Variants in KCNMB2 observed in about 807,000 individuals in gnomAD.
KCNMB2 encodes calcium-activated potassium channel subunit beta-2.
A neutral mutation model predicts 24.5 loss-of-function variants in KCNMB2; 9 were observed. The ratio of observed to expected loss-of-function variants is 0.37; its 90% CI spans 0.22 to 0.64. The LOEUF is 0.64. Among genes scored for constraint, KCNMB2 ranks in the 30% least tolerant of loss-of-function variants. The probability of loss-of-function intolerance (pLI) is 0.63; values close to 1 mark genes in which losing one functional copy is unlikely to be tolerated. For synonymous variants in KCNMB2, 109 were observed against 104.4 expected (o/e 1.04, Z -0.27); for missense variants, 226 against 284.3 (o/e 0.79, Z 1.47).
At chr3:178,575,100 G>A (rs2108482183) in intron 1 of KCNMB2, among the ~76,000 whole-genome samples, 1 of 152,248 alleles carries the variant, frequency 6.6e-6, no homozygotes, top group East Asian at 1.9e-4. Context: ...CTGTATCTTT[G>A]TGATGCTTCC....
intron 1 of KCNMB2, among the ~76,000 whole-genome samples, chr3:178,725,210 T>C (rs1349875711): frequency 1.3e-5 from 2 of 152,102 alleles, no homozygotes; most frequent in African/African-American, 4.8e-5. Flanking sequence ...TTTATAGTTC[T>C]CCTCATAGAA....
At chr3:178,641,844 T>C (rs1054982501) in intron 1 of KCNMB2, among the ~76,000 whole-genome samples, 1 of 152,184 alleles carries the variant, frequency 6.6e-6, no homozygotes, top group Non-Finnish European at 1.5e-5. Flanking sequence ...TCCTAGTTTG[T>C]TGAGAGTTTT....
chr3:178,568,770 AGAT>A (rs879384327), intron 1 of KCNMB2, among the ~76,000 whole-genome samples: 2,638 of 126,048 alleles, frequency 0.021, 50 homozygotes, highest in South Asian at 0.036. Flanking sequence ...ATAGATAGAT[AGAT>A]GATAGATAGA....
intron 1 of KCNMB2, among the ~76,000 whole-genome samples, chr3:178,551,312 T>C (rs936972374): frequency 2.6e-5 from 4 of 152,232 alleles, no homozygotes; most frequent in African/African-American, 9.6e-5. Flanking sequence ...CTCACAACTC[T>C]GTGTGGTGAG....
rs1260042964 is a variant in KCNMB2 at position 178,842,814 on chromosome 3, G to A, written c.585G>A (p.Val195=). 32 of 1,613,894 alleles carry A rather than the reference G, an allele frequency of 2.0e-5. No individual in the cohort carries two copies. Among genetic ancestry groups the A allele is most frequent in the Non-Finnish European group, 2.5e-5 (30 of 1,179,938 alleles). Residue 195 remains valine (V), a synonymous_variant, in exon 5 of 5, where the codon GTG becomes GTA. Transcript: ENST00000452583. ...TAACAAAACTCTACAGTTCCAACGT[G>A]CTGTTCCATTCACTCTTCTGGCCAA... is the stretch of plus-strand genomic sequence containing the variant. ...VILTKLYSSN[V]LFHSLFWPTC...
At chr3:178,643,889 C>G (rs1719815038) in intron 1 of KCNMB2, among the ~76,000 whole-genome samples, 3 of 152,228 alleles carry the variant, frequency 2.0e-5, no homozygotes, top group African/African-American at 7.2e-5. Context: ...CATCATCCCT[C>G]AAGAGCTTAG....
intron 1 of KCNMB2, among the ~76,000 whole-genome samples, chr3:178,620,090 A>T (rs1457257146): frequency 2.6e-5 from 4 of 152,220 alleles, no homozygotes; most frequent in African/African-American, 9.6e-5. Context: ...TGGAAAAAGA[A>T]ACTGAGGCTC....
At chr3:178,829,039 T>A (rs1039978863) in intron 4 of KCNMB2, among the ~76,000 whole-genome samples, 1 of 151,932 alleles carries the variant, frequency 6.6e-6, no homozygotes, top group Non-Finnish European at 1.5e-5. Flanking sequence ...CAAGTCCACA[T>A]GGTAGATATT....
In KCNMB2 at chr3:178,833,875, A is replaced by G. The variant is rs557178301; in HGVS notation, c.423+5502A>G. 3.3e-5 allele frequency among the ~76,000 whole-genome samples: 5 copies of G among 152,270 alleles called. No homozygotes were observed. The South Asian group carries it at 1.0e-3, about 32-fold the overall frequency. On this transcript the variant is annotated intron_variant, in intron 4 of 4. Transcript: ENST00000452583. ...CTCTCCTGGAGCCACTGGCTGACTA[A>G]TGGGCTCTGGGAGCTACAAGAGGGC...
chr3:178,760,676 G>C (rs373074349), intron 1 of KCNMB2, among the ~76,000 whole-genome samples: 4 of 151,638 alleles, frequency 2.6e-5, no homozygotes, highest in African/African-American at 9.7e-5. Context: ...AAGAAACAAA[G>C]ATGCAGTCGA....
chr3:178,749,710 C>T (rs1311938420), intron 1 of KCNMB2, among the ~76,000 whole-genome samples: 1 of 152,172 alleles, frequency 6.6e-6, no homozygotes, highest in Non-Finnish European at 1.5e-5. Flanking sequence ...AATTAACTAA[C>T]TTGGCATTGC....
At chr3:178,837,966 T>C (rs1287821099) in intron 4 of KCNMB2, among the ~76,000 whole-genome samples, 1 of 152,168 alleles carries the variant, frequency 6.6e-6, no homozygotes, top group African/African-American at 2.4e-5. Flanking sequence ...ACTGAGATCA[T>C]TTCAATAACT....
chr3:178,780,061 A>ATT lies in KCNMB2; in HGVS notation c.-67-27282_-67-27281insTT, dbSNP rs1343580325. On this transcript the variant is annotated intron_variant, in intron 1 of 4. Transcript: ENST00000452583. ...CAATTAGTTGTTTTTTTTAAAAAAA[A>ATT]AAAAAAAAAAAGCACTATGAAATTA... 2.3e-3 allele frequency among the ~76,000 whole-genome samples: 349 copies of ATT among 149,956 alleles called. 7 individuals are homozygous for ATT. The East Asian group carries it at 0.044, about 19-fold the overall frequency.
chr3:178,548,200 C>T (rs1715837219), intron 1 of KCNMB2, among the ~76,000 whole-genome samples: 1 of 151,984 alleles, frequency 6.6e-6, no homozygotes, highest in Non-Finnish European at 1.5e-5. Flanking sequence ...TTTGTAAAAA[C>T]ATCACTTCAT....
intron 1 of KCNMB2, among the ~76,000 whole-genome samples, chr3:178,605,733 C>G (rs1254994187): frequency 6.6e-6 from 1 of 152,122 alleles, no homozygotes; most frequent in Non-Finnish European, 1.5e-5. Flanking sequence ...AATAATTTGG[C>G]TGAATAGTGT....
At chr3:178,825,444 G>A (rs1714796092) in intron 2 of KCNMB2, 144 bp from the exon 3 acceptor site, 2 of 598,210 alleles carry the variant, frequency 3.3e-6, no homozygotes, top group East Asian at 5.6e-5. Flanking sequence ...GCTTGTGTGG[G>A]AGGTAGTGGA....
chr3:178,801,409 C>T (rs1560027205), intron 1 of KCNMB2, among the ~76,000 whole-genome samples: 3 of 152,116 alleles, frequency 2.0e-5, no homozygotes, highest in Admixed American at 1.3e-4. Flanking sequence ...TCTCAAAAGA[C>T]AATAGTGTTC....
intron 1 of KCNMB2, among the ~76,000 whole-genome samples, chr3:178,613,491 C>T (rs1718569294): frequency 6.6e-6 from 1 of 152,158 alleles, no homozygotes; most frequent in East Asian, 1.9e-4. Context: ...TTGAAGTATT[C>T]CCTTTAGCAT....
chr3:178,671,023 G>A (rs765851257), intron 1 of KCNMB2, among the ~76,000 whole-genome samples: 5 of 152,064 alleles, frequency 3.3e-5, no homozygotes, highest in Non-Finnish European at 5.9e-5. Flanking sequence ...ATAGAAAGAA[G>A]TTTCAGATTC....
Sources: allele counts gnomAD v4.1 joint callset (sites outside exome capture counted in the v4.1 genomes callset), GRCh38; gene constraint gnomAD v4.1.1; transcripts MANE v1.5; gene names NCBI Gene and HGNC (gene_info 2026-07-23, HGNC 2026-07-21).